Variants in BABAM2 observed in about 807,000 individuals in gnomAD.
BABAM2 encodes the protein BRISC and BRCA1 A complex member 2.
Under a neutral mutation model 54.7 loss-of-function variants are expected in BABAM2, and 31 were observed. That is an observed-to-expected ratio of 0.57 (90% confidence interval 0.43 to 0.77). BABAM2 has a LOEUF of 0.77. BABAM2 is among the 30% of genes least tolerant of loss of function. The pLI, the probability that BABAM2 is intolerant of heterozygous loss-of-function variation, is 0.00. For missense variants in BABAM2, 364 were observed against 455.8 expected (o/e 0.80, Z 1.83); for synonymous variants, 167 against 162.9 (o/e 1.03, Z -0.19).
intron 4 of BABAM2, among the ~76,000 whole-genome samples, chr2:28,003,611 C>A (rs1005149588): frequency 2.6e-5 from 4 of 151,974 alleles, no homozygotes; most frequent in African/African-American, 9.7e-5. Context: ...ACAAACAAAG[C>A]CAATTCTAGT....
intron 3 of BABAM2, among the ~76,000 whole-genome samples, chr2:27,951,095 T>C (rs1167603681): frequency 3.9e-5 from 6 of 152,174 alleles, no homozygotes; most frequent in African/African-American, 1.4e-4. Context: ...CATTTACTCA[T>C]GTTGTGGAAG....
chr2:28,159,276 C>T (rs1672829433), intron 7 of BABAM2, among the ~76,000 whole-genome samples: 1 of 152,116 alleles, frequency 6.6e-6, no homozygotes, highest in Admixed American at 6.5e-5. Flanking sequence ...AGAGTAGAGT[C>T]TACTGGCAGA....
intron 7 of BABAM2, among the ~76,000 whole-genome samples, chr2:28,211,915 A>C (rs1379387096): frequency 6.6e-6 from 1 of 152,110 alleles, no homozygotes; most frequent in African/African-American, 2.4e-5. Context: ...ATTTGTCTCA[A>C]GTGTCTTTTT....
At chr2:28,066,692 G>A (rs987977613) in intron 6 of BABAM2, among the ~76,000 whole-genome samples, 4 of 152,084 alleles carry the variant, frequency 2.6e-5, no homozygotes, top group Non-Finnish European at 5.9e-5. Context: ...TCATCACATC[G>A]GCTTCTCCAA....
intron 7 of BABAM2, among the ~76,000 whole-genome samples, chr2:28,170,578 C>T (rs56357765): frequency 0.48 from 72,054 of 151,692 alleles, 17,975 homozygotes; most frequent in Middle Eastern, 0.61. Context: ...AGAAATATTT[C>T]CTCCTAAAAT....
chr2:27,990,365 C>CT (rs1319433523), intron 4 of BABAM2, among the ~76,000 whole-genome samples: 2 of 152,186 alleles, frequency 1.3e-5, no homozygotes, highest in African/African-American at 4.8e-5. Context: ...TTTTCACTCA[C>CT]TTGTTAACAG....
intron 3 of BABAM2, among the ~76,000 whole-genome samples, chr2:27,931,714 C>T (rs536372393): frequency 9.9e-5 from 15 of 152,140 alleles, no homozygotes; most frequent in South Asian, 8.3e-4. Context: ...CAGTTAGCTT[C>T]GTTATTACTT....
intron 7 of BABAM2, among the ~76,000 whole-genome samples, chr2:28,142,015 G>T (rs1020563227): frequency 6.6e-5 from 10 of 152,090 alleles, no homozygotes; most frequent in Non-Finnish European, 1.3e-4. Context: ...AGTGACTAAG[G>T]CTCTTAAATG....
intron 10 of BABAM2, among the ~76,000 whole-genome samples, chr2:28,247,785 G>A (rs1683032000): frequency 6.6e-6 from 1 of 152,166 alleles, no homozygotes; most frequent in Non-Finnish European, 1.5e-5. Flanking sequence ...GGATGCTAGA[G>A]GAAAGAGGCA....
chr2:28,079,263 C>A (rs564363854), intron 6 of BABAM2, among the ~76,000 whole-genome samples: 137 of 152,208 alleles, frequency 9.0e-4, no homozygotes, highest in African/African-American at 3.2e-3. Flanking sequence ...ACAGGCCCTT[C>A]CTTTGTATTT....
At position 27,912,052 on chromosome 2, in the gene BABAM2, C is replaced by T. The variant is rs573307554; in HGVS notation, c.128+17368C>T. Among the ~76,000 whole-genome samples, 9 of 152,222 alleles carry T rather than the reference C, an allele frequency of 5.9e-5. 1 individual carries two copies. The highest frequency in any genetic ancestry group is 2.2e-4 in the African/African-American group (9 of 41,554). ...ACCATGCCTAATTCCAGAAACTGGC[C>T]TTAGGAGATACAAACATTGAACCAA... On this transcript the variant is annotated intron_variant, in intron 2 of 11. Coordinates refer to ENST00000379624, the MANE Select transcript of BABAM2 (RefSeq NM_199191.3).
chr2:28,336,189 GA>G (rs1309110922), intron 11 of BABAM2, among the ~76,000 whole-genome samples: 1 of 152,146 alleles, frequency 6.6e-6, no homozygotes, highest in Non-Finnish European at 1.5e-5. Flanking sequence ...CAGTGCCATC[GA>G]AAGATAAGAC....
At chr2:28,019,381 T>G (rs1246821892) in intron 4 of BABAM2, among the ~76,000 whole-genome samples, 1 of 152,070 alleles carries the variant, frequency 6.6e-6, no homozygotes, top group Non-Finnish European at 1.5e-5. Context: ...TCTTTGTAGA[T>G]TCTGGATATT....
chr2:27,989,018 T>G (rs1349737455), intron 4 of BABAM2, among the ~76,000 whole-genome samples: 4 of 152,184 alleles, frequency 2.6e-5, no homozygotes, highest in Non-Finnish European at 5.9e-5. Context: ...AAGTATTGTC[T>G]TAAACATTAG....
chr2:27,997,855 A>G (rs948897163), intron 4 of BABAM2, among the ~76,000 whole-genome samples: 1 of 152,150 alleles, frequency 6.6e-6, no homozygotes, highest in African/African-American at 2.4e-5. Flanking sequence ...ATTGCAGTTC[A>G]AGAATATGCT....
At chr2:28,270,101 A>C (rs891439205) in intron 10 of BABAM2, among the ~76,000 whole-genome samples, 1 of 152,152 alleles carries the variant, frequency 6.6e-6, no homozygotes, top group Non-Finnish European at 1.5e-5. Context: ...AGGTACTTGA[A>C]TAAGATATGG....
intron 8 of BABAM2, among the ~76,000 whole-genome samples, chr2:28,240,451 G>A (rs1325029625): frequency 6.6e-6 from 1 of 152,058 alleles, no homozygotes; most frequent in African/African-American, 2.4e-5. Flanking sequence ...AAAAATTAGT[G>A]TCATATATGT....
intron 7 of BABAM2, among the ~76,000 whole-genome samples, chr2:28,202,876 G>T (rs1678430064): frequency 6.6e-6 from 1 of 152,098 alleles, no homozygotes; most frequent in Non-Finnish European, 1.5e-5. Context: ...CAATCACGGG[G>T]AATATTCCTC....
intron 4 of BABAM2, among the ~76,000 whole-genome samples, chr2:28,010,754 T>C (rs1272630891): frequency 6.6e-6 from 1 of 152,094 alleles, no homozygotes; most frequent in Non-Finnish European, 1.5e-5. Flanking sequence ...AATAATGTTA[T>C]TTAAGGACCT....
Sources: gnomAD v4.1 joint callset for allele counts (sites outside exome capture counted in the v4.1 genomes callset) on GRCh38, gnomAD v4.1.1 for gene constraint, MANE v1.5 for transcripts, NCBI Gene and HGNC (gene_info 2026-07-23, HGNC 2026-07-21) for gene names.